The following SCFD2 variants were observed in gnomAD, a reference collection of about 807,000 sequenced individuals.
SCFD2 encodes sec1 family domain-containing protein 2.
In SCFD2, 54 loss-of-function variants were observed where a neutral mutation model predicts 58.9. The observed-to-expected ratio is 0.92, with a 90% CI of 0.74 to 1.15. SCFD2 has a LOEUF of 1.15. Among genes scored for constraint, SCFD2 ranks in the 50% most tolerant of loss-of-function variants. The pLI is 0.00. For missense variants in SCFD2, 805 were observed against 836.6 expected (o/e 0.96, Z 0.47); for synonymous variants, 321 against 335.9 (o/e 0.96, Z 0.49).
chr4:53,034,390 A>G (rs1009645900), intron 5 of SCFD2, among the ~76,000 whole-genome samples: 1 of 152,198 alleles, frequency 6.6e-6, no homozygotes, highest in Non-Finnish European at 1.5e-5. Flanking sequence ...AAAAACTGGA[A>G]GCATTCCCTT....
intron 5 of SCFD2, among the ~76,000 whole-genome samples, chr4:53,098,177 C>CT (rs1206292516): frequency 5.3e-5 from 8 of 152,088 alleles, no homozygotes; most frequent in African/African-American, 1.9e-4. Flanking sequence ...CTAAAATTCT[C>CT]TTTTTTTGTT....
chr4:53,222,722 A>T (rs961498723), intron 4 of SCFD2, among the ~76,000 whole-genome samples: 1 of 152,202 alleles, frequency 6.6e-6, no homozygotes, highest in African/African-American at 2.4e-5. Flanking sequence ...TTTCAGAGAT[A>T]TGTCAAAACA....
At chr4:52,931,676 T>C (rs1471663058) in intron 5 of SCFD2, among the ~76,000 whole-genome samples, 2 of 152,216 alleles carry the variant, frequency 1.3e-5, no homozygotes, top group African/African-American at 2.4e-5. Flanking sequence ...AATTTGATTT[T>C]AGCAGGAAAT....
At chr4:53,285,022 C>T (rs2149080777) in intron 3 of SCFD2, among the ~76,000 whole-genome samples, 1 of 152,294 alleles carries the variant, frequency 6.6e-6, no homozygotes, top group African/African-American at 2.4e-5. Flanking sequence ...ACTTTAATTA[C>T]ATGAATCAAT....
rs115599359 is a variant in SCFD2, at chr4:53,264,850, A to G, written c.1311+8976T>C. ...CTATTAAAAACTACTTTGGCAGCCA[A>G]TAAAATAGATGCCTATTTTTTATTG... On this transcript the variant is annotated intron_variant, in intron 4 of 8. Transcript: ENST00000401642. Among the ~76,000 whole-genome samples the G allele has an allele frequency of 4.5e-3, 683 of 152,374 alleles. 2 individuals carry two copies. The highest frequency in any genetic ancestry group is 0.016 in the African/African-American group (656 of 41,592).
intron 2 of SCFD2, among the ~76,000 whole-genome samples, chr4:53,328,188 G>A (rs1560448854): frequency 1.4e-5 from 2 of 147,620 alleles, no homozygotes; most frequent in African/African-American, 5.1e-5. Flanking sequence ...ATGTGCACAT[G>A]TATGTGTGTG....
At chr4:53,275,050 A>G (rs1024994749) in intron 3 of SCFD2, among the ~76,000 whole-genome samples, 1 of 152,186 alleles carries the variant, frequency 6.6e-6, no homozygotes, top group African/African-American at 2.4e-5. Flanking sequence ...TTATTTAGCA[A>G]TTTACACAGT....
intron 5 of SCFD2, among the ~76,000 whole-genome samples, chr4:52,947,803 TAA>T (rs962309435): frequency 7.0e-6 from 1 of 142,968 alleles, no homozygotes; most frequent in Non-Finnish European, 1.5e-5. Flanking sequence ...ACTTTAAAAT[TAA>T]AAAAAAAAAA....
chr4:52,968,803 G>A (rs1379720614), intron 5 of SCFD2, among the ~76,000 whole-genome samples: 1 of 152,132 alleles, frequency 6.6e-6, no homozygotes, highest in African/African-American at 2.4e-5. Flanking sequence ...GGGATCTCAT[G>A]TGGGGGCAGC....
At chr4:53,241,918 T>C (rs1486501007) in intron 4 of SCFD2, among the ~76,000 whole-genome samples, 1 of 152,196 alleles carries the variant, frequency 6.6e-6, no homozygotes, top group African/African-American at 2.4e-5. Context: ...CACCACCACC[T>C]GCATGGACAT....
chr4:53,233,728 C>T (rs1243799608), intron 4 of SCFD2, among the ~76,000 whole-genome samples: 2 of 152,118 alleles, frequency 1.3e-5, no homozygotes, highest in Non-Finnish European at 2.9e-5. Context: ...ATTTGTCTCT[C>T]TTTCATTATT....
At chr4:53,133,593 G>A (rs1390662732) in intron 5 of SCFD2, among the ~76,000 whole-genome samples, 1 of 152,168 alleles carries the variant, frequency 6.6e-6, no homozygotes, top group Non-Finnish European at 1.5e-5. Context: ...CCAAAGAAGA[G>A]AGATAACATA....
At chr4:53,005,745 T>C (rs541898619) in intron 5 of SCFD2, among the ~76,000 whole-genome samples, 2 of 152,334 alleles carry the variant, frequency 1.3e-5, no homozygotes, top group South Asian at 2.1e-4. Flanking sequence ...AAGGATTATA[T>C]GCTCTTATCC....
chr4:52,989,364 G>A (rs1036264105), intron 5 of SCFD2, among the ~76,000 whole-genome samples: 1 of 152,146 alleles, frequency 6.6e-6, no homozygotes, highest in Non-Finnish European at 1.5e-5. Flanking sequence ...GAAAGATGAT[G>A]GAAATAGTCT....
At chr4:53,140,904 T>C (rs774256916) in intron 5 of SCFD2, among the ~76,000 whole-genome samples, 5 of 152,180 alleles carry the variant, frequency 3.3e-5, no homozygotes, top group Non-Finnish European at 5.9e-5. Context: ...CTTAAATTTT[T>C]AGTATACAAA....
At chr4:53,342,294 GAGCA>G (rs1370968323) in intron 2 of SCFD2, among the ~76,000 whole-genome samples, 346 of 152,034 alleles carry the variant, frequency 2.3e-3, no homozygotes, top group Non-Finnish European at 3.8e-3. Context: ...CAAAAAAAAG[GAGCA>G]GTTGCAATCC....
chr4:52,982,580 C>T (rs1241497821), intron 5 of SCFD2, among the ~76,000 whole-genome samples: 2 of 152,080 alleles, frequency 1.3e-5, no homozygotes, highest in Admixed American at 6.5e-5. Context: ...ACTAGCATTC[C>T]TATTGATAGC....
intron 5 of SCFD2, among the ~76,000 whole-genome samples, chr4:53,012,836 G>GTGTGTGTGTTTTTT (rs1553914338): frequency 6.9e-6 from 1 of 145,084 alleles, no homozygotes; most frequent in Non-Finnish European, 1.5e-5. Context: ...GTGTGTGTGT[G>GTGTGTGTGTTTTTT]TTTTTTTTTA....
At chr4:53,156,398 C>CAA (rs1171962847) in intron 4 of SCFD2, among the ~76,000 whole-genome samples, 1,836 of 99,740 alleles carry the variant, frequency 0.018, 58 homozygotes, top group African/African-American at 0.064. Context: ...AGACTCAACT[C>CAA]AAAAAAAAAA....
Sources: allele counts gnomAD v4.1 joint callset (sites outside exome capture counted in the v4.1 genomes callset), GRCh38; gene constraint gnomAD v4.1.1; transcripts MANE v1.5; gene names NCBI Gene and HGNC (gene_info 2026-07-23, HGNC 2026-07-21).